CHD7: variants seen among roughly 807,000 people sequenced by gnomAD.
CHD7 encodes the protein ATP-dependent chromatin remodeler CHD7.
A neutral mutation model predicts 307.3 loss-of-function variants in CHD7; 24 were observed. That is an observed-to-expected ratio of 0.08 (90% confidence interval 0.06 to 0.11). CHD7 has a LOEUF of 0.11. CHD7 is among the 10% of genes least tolerant of loss of function. The pLI is 1.00. For synonymous variants in CHD7, 1,363 were observed against 1,349.9 expected, an observed-to-expected ratio of 1.01 and a Z score of -0.21; for missense variants, 3,106 against 3,727.1, an observed-to-expected ratio of 0.83 and a Z score of 4.34.
intron 15 of CHD7, among the ~76,000 whole-genome samples, chr8:60,835,664 A>G (rs1263587256): frequency 6.6e-6 from 1 of 152,164 alleles, no homozygotes; most frequent in Non-Finnish European, 1.5e-5. Flanking sequence ...ATTTCGGAAC[A>G]GATTTTGTTG....
chr8:60,710,991 CTGTT>C (rs1458206471), intron 1 of CHD7, among the ~76,000 whole-genome samples: 7 of 152,144 alleles, frequency 4.6e-5, no homozygotes, highest in Non-Finnish European at 4.4e-5. Context: ...GTCTTCTTTA[CTGTT>C]TGTTTTTGTC....
intron 3 of CHD7, among the ~76,000 whole-genome samples, chr8:60,783,378 C>G (rs79622239): frequency 0.022 from 3,310 of 152,246 alleles, 106 homozygotes; most frequent in African/African-American, 0.065. Flanking sequence ...CCCAGGCATG[C>G]CATGTCTTCT....
intron 1 of CHD7, among the ~76,000 whole-genome samples, chr8:60,692,703 C>G (rs910860044): frequency 3.9e-5 from 6 of 152,174 alleles, no homozygotes; most frequent in African/African-American, 1.4e-4. Context: ...ACTGACCACC[C>G]CTCTTCCTGA....
At chr8:60,804,100 C>T (rs1365824095) in intron 6 of CHD7, among the ~76,000 whole-genome samples, 2 of 152,184 alleles carry the variant, frequency 1.3e-5, no homozygotes, top group Non-Finnish European at 2.9e-5. Flanking sequence ...CTGGCAGAGG[C>T]ACCGTAAGTC....
In CHD7 at chr8:60,687,812, A is replaced by G. The variant is rs536175262; in HGVS notation, c.-175+8730A>G. Among the ~76,000 whole-genome samples, 98 of 152,330 alleles carry G rather than the reference A, an allele frequency of 6.4e-4. 1 individual carries two copies. The highest frequency in any genetic ancestry group is 2.3e-3 in the African/African-American group (96 of 41,572). On this transcript the variant is annotated intron_variant, in intron 1 of 37. Transcript: ENST00000423902. ...AAAGGGATGAGAAGTTAAATTACCC[A>G]GGGCCATACATTTCTAGCACGTGGT...
intron 1 of CHD7, among the ~76,000 whole-genome samples, chr8:60,692,089 G>A (rs576778242): frequency 6.6e-6 from 1 of 152,216 alleles, no homozygotes; most frequent in South Asian, 2.1e-4. Context: ...ATGTACTTTG[G>A]AAATACGAAA....
intron 25 of CHD7, among the ~76,000 whole-genome samples, chr8:60,849,596 C>G (rs78841037): frequency 8.4e-4 from 128 of 152,264 alleles, no homozygotes; most frequent in African/African-American, 3.0e-3. Context: ...ACTCGCGGCT[C>G]CCCTGAGTGG....
At chr8:60,756,544 G>A (rs1646155554) in intron 2 of CHD7, among the ~76,000 whole-genome samples, 1 of 152,178 alleles carries the variant, frequency 6.6e-6, no homozygotes, top group African/African-American at 2.4e-5. Flanking sequence ...CAGGCACGGT[G>A]GTGTGCACCT....
At chr8:60,759,349 G>A (rs1242627841) in intron 2 of CHD7, among the ~76,000 whole-genome samples, 1 of 152,010 alleles carries the variant, frequency 6.6e-6, no homozygotes, top group East Asian at 1.9e-4. Flanking sequence ...CAAACCTATT[G>A]TTTCTGATGC....
chr8:60,688,198 G>T (rs1253298359), intron 1 of CHD7, among the ~76,000 whole-genome samples: 1 of 152,196 alleles, frequency 6.6e-6, no homozygotes, highest in Non-Finnish European at 1.5e-5. Flanking sequence ...AGGCGGCTGA[G>T]AATTTGAGTT....
chr8:60,819,092 T>G (rs1803895436), intron 8 of CHD7, among the ~76,000 whole-genome samples: 1 of 152,156 alleles, frequency 6.6e-6, no homozygotes, highest in African/African-American at 2.4e-5. Context: ...TAGCTGAGAT[T>G]ACAGGCACCT....
chr8:60,847,475 C>G (rs1450592708), intron 23 of CHD7, among the ~76,000 whole-genome samples: 1 of 152,146 alleles, frequency 6.6e-6, no homozygotes, highest in Non-Finnish European at 1.5e-5. Flanking sequence ...TCGTGAAGAT[C>G]AAAAGGGCTA....
At chr8:60,697,703 G>T (rs1214356536) in intron 1 of CHD7, among the ~76,000 whole-genome samples, 2 of 152,190 alleles carry the variant, frequency 1.3e-5, no homozygotes, top group Non-Finnish European at 1.5e-5. Context: ...ACCTCAGTTT[G>T]CAGTCACCTG....
At chr8:60,714,521 G>C (rs998324487) in intron 1 of CHD7, among the ~76,000 whole-genome samples, 3 of 151,774 alleles carry the variant, frequency 2.0e-5, no homozygotes, top group African/African-American at 4.8e-5. Context: ...CACCGCTGTA[G>C]GGTCATCTCC....
intron 7 of CHD7, among the ~76,000 whole-genome samples, chr8:60,815,122 CAT>C (rs1232505312): frequency 6.6e-6 from 1 of 152,132 alleles, no homozygotes; most frequent in Non-Finnish European, 1.5e-5. Context: ...CTATGTAAGT[CAT>C]ATGTATTTAA....
intron 13 of CHD7, chr8:60,825,470 A>G (rs934891598): frequency 2.0e-5 from 3 of 152,250 alleles, no homozygotes; most frequent in Non-Finnish European, 4.4e-5. Context: ...GCGCTTAGAA[A>G]CAGTGAATAG....
chr8:60,848,285 G>A (rs953840037), intron 23 of CHD7, among the ~76,000 whole-genome samples: 1 of 152,198 alleles, frequency 6.6e-6, no homozygotes, highest in African/African-American at 2.4e-5. Flanking sequence ...CTGAGCTCGG[G>A]CCCTCTCTGT....
chr8:60,812,270 A>G (rs893699465), intron 7 of CHD7, among the ~76,000 whole-genome samples: 3 of 152,126 alleles, frequency 2.0e-5, no homozygotes, highest in East Asian at 1.9e-4. Context: ...CATTTTATCT[A>G]TTTAGGTGCC....
chr8:60,683,842 C>T (rs544036477), intron 1 of CHD7, among the ~76,000 whole-genome samples: 2 of 152,058 alleles, frequency 1.3e-5, no homozygotes, highest in African/African-American at 4.8e-5. Flanking sequence ...TAGAATCCTA[C>T]AGCATAGGAC....
Sources: gnomAD v4.1 joint callset for allele counts (sites outside exome capture counted in the v4.1 genomes callset) on GRCh38, gnomAD v4.1.1 for gene constraint, MANE v1.5 for transcripts, NCBI Gene and HGNC (gene_info 2026-07-23, HGNC 2026-07-21) for gene names.